JAG1: variants seen among roughly 807,000 people sequenced by gnomAD.
JAG1 encodes jagged canonical Notch ligand 1.
In JAG1, 23 loss-of-function variants were observed where a neutral mutation model predicts 148.7. The ratio of observed to expected loss-of-function variants is 0.15; its 90% CI spans 0.11 to 0.22. The LOEUF (loss-of-function observed/expected upper bound fraction) is 0.22, where lower values mean the gene tolerates loss of function less well. Ranked by LOEUF, JAG1 falls within the 10% of genes least tolerant of loss-of-function variation. The pLI is 1.00. For missense variants in JAG1, 1,054 were observed against 1,611.2 expected (o/e 0.65, Z 5.92); for synonymous variants, 572 against 598.3 (o/e 0.96, Z 0.64).
chr20:10,655,831 T>C (rs548545314), intron 5 of JAG1, among the ~76,000 whole-genome samples: 5 of 152,342 alleles, frequency 3.3e-5, no homozygotes. Flanking sequence ...GCATTGTTCC[T>C]GGACCATAAA....
At position 10,673,747 on chromosome 20, in the gene JAG1, T is replaced by G. The variant is rs1270319805; in HGVS notation, c.-217A>C. On this transcript the variant is annotated 5_prime_UTR_variant, in exon 1 of 26. Transcript: ENST00000254958. The surrounding 1 kb of genome is among the most constrained non-coding windows in gnomAD (Gnocchi z 4.7). Reference sequence around the variant, plus strand: ...GAAGGCAAAGAGCCCGGCCTCCTTTTATTATTCTGATCGCTTCTTTGAGAC... The same window carrying G: ...GAAGGCAAAGAGCCCGGCCTCCTTTGATTATTCTGATCGCTTCTTTGAGAC... The G allele has an allele frequency of 4.8e-5, 12 of 248,574 alleles. No individual in the cohort carries two copies. In the Admixed American group the frequency reaches 6.6e-4, roughly 14 times the overall value. 15.4% of individuals were successfully genotyped at this position (248,574 alleles called of 1,614,324 possible).
At chr20:10,643,933 G>A (rs2067290562) in intron 19 of JAG1, 70 bp from the exon 20 acceptor site, 21 of 1,145,808 alleles carry the variant, frequency 1.8e-5, no homozygotes, top group Non-Finnish European at 2.5e-5. Context: ...TCACTCACAT[G>A]TCACCACACC....
At chr20:10,650,484 G>A (rs1159527337) in intron 8 of JAG1, 124 bp from the exon 9 acceptor site, 1 of 698,964 alleles carries the variant, frequency 1.4e-6, no homozygotes, top group African/African-American at 1.8e-5. Flanking sequence ...TACAAGGAAA[G>A]CTACAGCAGG....
rs769581869 is a variant in JAG1, at chr20:10,658,465, T to C, written c.694+3A>G. On this transcript the variant is annotated splice_donor_region_variant and intron_variant, in intron 4 of 25. Transcript: ENST00000254958. ...ACGTGCACATGCACACACACACACATACCTCTGTTACATTCGGGGCCCATC... is the reference window on the plus strand; with the variant it reads ...ACGTGCACATGCACACACACACACACACCTCTGTTACATTCGGGGCCCATC... The C allele has an allele frequency of 6.2e-6, 10 of 1,613,734 alleles. No homozygotes were observed. Among genetic ancestry groups the C allele is most frequent in the Admixed American group, 3.3e-5 (2 of 60,032 alleles).
Position 10,673,449 on chromosome 20 carries a change from C to A in JAG1, c.81+1G>T. On this transcript the variant is annotated splice_donor_variant, in intron 1 of 25. Transcript: ENST00000254958. LOFTEE classifies it high-confidence loss of function. This position sits in a 1 kb window ranked among gnomAD's most constrained non-coding sequence, Gnocchi z 4.7. ...AGGGAGGCCCGGAGAAGGGCTCCTACCTTGGCTCGCAGGGCACAGAGCAGG... is the reference window on the plus strand; with the variant it reads ...AGGGAGGCCCGGAGAAGGGCTCCTAACTTGGCTCGCAGGGCACAGAGCAGG... 6.9e-7 allele frequency: 1 copy of A among 1,449,514 alleles called. No individual in the cohort carries two copies. Among genetic ancestry groups the A allele is most frequent in the Non-Finnish European group, 9.1e-7 (1 of 1,102,308 alleles). 89.8% of individuals were successfully genotyped at this position (1,449,514 alleles called of 1,614,324 possible). A position where few individuals can be genotyped will look rare whatever the true frequency, so the allele number is the denominator to read the frequency against.
intron 9 of JAG1, 64 bp downstream of exon 9, chr20:10,650,183 G>C (rs2067336017): frequency 6.9e-6 from 7 of 1,015,860 alleles, no homozygotes; most frequent in Non-Finnish European, 1.1e-5. Context: ...CTCGTCTTCT[G>C]TAATGGCTTT....
In JAG1 at chr20:10,641,689, C is replaced by A. The variant is rs1227203387; in HGVS notation, c.2687G>T (p.Trp896Leu). 4 of 1,613,844 alleles carry A rather than the reference C, an allele frequency of 2.5e-6. No individual in the cohort carries two copies. The highest frequency in any genetic ancestry group is 3.3e-5 in the Admixed American group (2 of 60,014). Residue 896 changes from tryptophan (W) to leucine (L), a missense_variant, in exon 23 of 26, where the codon TGG (tryptophan) becomes TTG (leucine). Trp to Leu is a moderately conservative substitution (Grantham distance 61). Transcript: ENST00000254958. ...LNGRIACSKV[W>L]CGPRPCLLHK... ...GAGCAGGCAAGGTCGAGGGCCACAC[C>A]AGACCTGGAGAAAAACAGAAGCTGG... is the stretch of plus-strand genomic sequence containing the variant.
intron 4 of JAG1, among the ~76,000 whole-genome samples, chr20:10,656,793 C>T (rs1354574776): frequency 6.6e-6 from 1 of 151,644 alleles, no homozygotes; most frequent in Admixed American, 6.6e-5. Context: ...TCTGCCCACA[C>T]CCTTTTCATT....
At chr20:10,644,457 A>T in intron 18 of JAG1, 73 bp from the exon 19 acceptor site, 1 of 1,221,508 alleles carries the variant, frequency 8.2e-7, no homozygotes, top group Non-Finnish European at 1.2e-6. Context: ...TAAAACCACC[A>T]CTTATTTTCC....
Position 10,645,236 on chromosome 20 carries a change from C to G in JAG1, c.2134G>C (p.Ala712Pro), listed in dbSNP as rs751142308. The G allele has an allele frequency of 6.2e-7, 1 of 1,613,828 alleles. No homozygotes were observed. Among genetic ancestry groups the G allele is most frequent in the Non-Finnish European group, 8.5e-7 (1 of 1,179,938 alleles). The change falls in exon 17 of 26, where the codon GCC becomes CCC. Residue 712 changes from alanine to proline, a missense_variant. Physicochemically the swap from Ala to Pro is conservative, Grantham distance 27. Around this residue, in one of 6 missense-constraint regions of JAG1, gnomAD observed 342 missense variants for 514.6 expected, o/e 0.66. Transcript: ENST00000254958. This position sits in a 1 kb window ranked among gnomAD's most constrained non-coding sequence, Gnocchi z 6.1. Reference sequence around the variant, plus strand: ...CAGGTGCCACCGTTGTTGCACGTGGCCTCATCACACTGACTGTCACCTGGA... The same window carrying G: ...CAGGTGCCACCGTTGTTGCACGTGGGCTCATCACACTGACTGTCACCTGGA... ...CHSRDSQCDE[A>P]TCNNGGTCYD...
rs530689995 is a variant in JAG1, at chr20:10,659,059, C to T, written c.440-337G>A. On this transcript the variant is annotated intron_variant, in intron 3 of 25. Transcript: ENST00000254958. ...CGTATCTGCCTGTGTATGGTTCCCA[C>T]AATGAGATACTCTAGAAATGGAAGT... 7.2e-5 allele frequency among the ~76,000 whole-genome samples: 11 copies of T among 152,336 alleles called. No homozygotes were observed. In the South Asian group the frequency reaches 2.3e-3, roughly 32 times the overall value.
At chr20:10,668,874 G>A (rs537771862) in intron 2 of JAG1, among the ~76,000 whole-genome samples, 2 of 152,028 alleles carry the variant, frequency 1.3e-5, no homozygotes, top group Non-Finnish European at 2.9e-5. Flanking sequence ...CCACGCCAAA[G>A]TTTCACCGTT....
chr20:10,645,522 G>A lies in JAG1; in HGVS notation c.2000-53C>T, dbSNP rs1432761065. On this transcript the variant is annotated intron_variant, in intron 15 of 25. Transcript: ENST00000254958. This position sits in a 1 kb window ranked among gnomAD's most constrained non-coding sequence, Gnocchi z 6.1. ...GAAGACGAGATCCAGGACCATTCACGACAGGCGAGAGCCAAGCCTTTCCTA... is the reference window on the plus strand; with the variant it reads ...GAAGACGAGATCCAGGACCATTCACAACAGGCGAGAGCCAAGCCTTTCCTA... The A allele has an allele frequency of 2.8e-6, 4 of 1,423,902 alleles. No homozygotes were observed. The highest frequency in any genetic ancestry group is 4.0e-6 in the Non-Finnish European group (4 of 1,009,874). 88.2% of individuals were successfully genotyped at this position (1,423,902 alleles called of 1,614,324 possible).
intron 4 of JAG1, 49 bp downstream of exon 4, chr20:10,658,419 G>C: frequency 6.2e-7 from 1 of 1,608,694 alleles, no homozygotes; most frequent in Non-Finnish European, 8.5e-7. Context: ...GTGATAAATG[G>C]ACACTAAAAG....
In JAG1 at chr20:10,656,748, C is replaced by T. The variant is rs550602012; in HGVS notation, c.695-290G>A. On this transcript the variant is annotated intron_variant, in intron 4 of 25. Coordinates refer to ENST00000254958, the MANE Select transcript of JAG1 (RefSeq NM_000214.3). ...TCCAGCCTCTCTAAACCACAGCTACCCTGGCTCCTTGAGCAGAGCTTGGTC... is the reference window on the plus strand; with the variant it reads ...TCCAGCCTCTCTAAACCACAGCTACTCTGGCTCCTTGAGCAGAGCTTGGTC... Among the ~76,000 whole-genome samples, 3 of 152,240 alleles carry T rather than the reference C, an allele frequency of 2.0e-5. No individual in the cohort carries two copies. In the South Asian group the frequency reaches 6.2e-4, roughly 32 times the overall value.
At chr20:10,646,445 T>G (rs2067309058) in intron 14 of JAG1, 1 of 369,976 alleles carries the variant, frequency 2.7e-6, no homozygotes, top group Admixed American at 3.8e-5. Context: ...GACCTCAGTC[T>G]TAGATCCCAG....
chr20:10,651,651 G>A lies in JAG1; in HGVS notation c.1050C>T (p.Ser350=), dbSNP rs1465797822. ...CLSDPCHNRG[S]CKETSLGFEC... is the part of the protein sequence containing the mutation. ...CAAAGCCCAGGGAGGTCTCCTTACAGCTGCCTCTGTTGTGACAGGGATCAG... is the reference window on the plus strand; with the variant it reads ...CAAAGCCCAGGGAGGTCTCCTTACAACTGCCTCTGTTGTGACAGGGATCAG... Residue 350 remains serine, a synonymous_variant, in exon 8 of 26, where the codon AGC becomes AGT. Transcript: ENST00000254958. 6.2e-7 allele frequency: 1 copy of A among 1,614,088 alleles called. No homozygotes were observed. Among genetic ancestry groups the A allele is most frequent in the Non-Finnish European group, 8.5e-7 (1 of 1,179,972 alleles).
chr20:10,651,517 T>TC lies in JAG1; in HGVS notation c.1120+63dup, dbSNP rs1258916120. On this transcript the variant is annotated intron_variant, in intron 8 of 25. Coordinates refer to ENST00000254958, the MANE Select transcript of JAG1 (RefSeq NM_000214.3). Reference sequence around the variant, plus strand: ...CACACTGGACAAGCCTAGGTACCTCTCCCCAGCGTGGTATCTTGGCACAAG... The same window carrying TC: ...CACACTGGACAAGCCTAGGTACCTCTCCCCCAGCGTGGTATCTTGGCACAAG... 5 of 1,096,734 alleles carry TC rather than the reference T, an allele frequency of 4.6e-6. No homozygotes were observed. The African/African-American group carries it at 7.8e-5, about 17-fold the overall frequency. The allele number at this position is 1,096,734 out of a possible 1,614,324, so 67.9% of individuals were successfully genotyped here. A position where few individuals can be genotyped will look rare whatever the true frequency, so the allele number is the denominator to read the frequency against.
At chr20:10,670,165 T>C (rs917503777) in intron 2 of JAG1, among the ~76,000 whole-genome samples, 1 of 152,184 alleles carries the variant, frequency 6.6e-6, no homozygotes, top group Non-Finnish European at 1.5e-5. Flanking sequence ...GACCAAATCG[T>C]TTCCTCCTCG....
Sources: allele counts gnomAD v4.1 joint callset (sites outside exome capture counted in the v4.1 genomes callset), GRCh38; gene constraint gnomAD v4.1.1; regional missense constraint gnomAD v4.1.1; non-coding constraint Gnocchi (gnomAD v3.1); transcripts MANE v1.5; gene names NCBI Gene and HGNC (gene_info 2026-07-23, HGNC 2026-07-21).